ZCWPW1: variants seen among roughly 807,000 people sequenced by gnomAD.
ZCWPW1 encodes the protein zinc finger CW-type and PWWP domain containing 1, also known as zinc finger CW-type PWWP domain protein 1.
In ZCWPW1, 56 loss-of-function variants were observed where a neutral mutation model predicts 81.3. The ratio of observed to expected loss-of-function variants is 0.69; its 90% CI spans 0.56 to 0.86. The LOEUF (loss-of-function observed/expected upper bound fraction) is 0.86. Ranked by LOEUF, ZCWPW1 falls within the 40% of genes least tolerant of loss-of-function variation. The probability of loss-of-function intolerance (pLI) is 0.00; values close to 1 mark genes in which losing one functional copy is unlikely to be tolerated. For synonymous variants in ZCWPW1, 250 were observed against 273.7 expected (o/e 0.91, Z 0.86); for missense variants, 650 against 769.8 (o/e 0.84, Z 1.84).
At chr7:100,402,800 TA>T (rs1792203528) in intron 15 of ZCWPW1, among the ~76,000 whole-genome samples, 1 of 151,832 alleles carries the variant, frequency 6.6e-6, no homozygotes, top group African/African-American at 2.4e-5. Context: ...AAGAAGGAAA[TA>T]AAGCTAGGCC....
At chr7:100,412,250 C>T (rs182968072) in intron 8 of ZCWPW1, among the ~76,000 whole-genome samples, 2 of 152,368 alleles carry the variant, frequency 1.3e-5, no homozygotes, top group Admixed American at 6.5e-5. Context: ...CAGCTGTCTA[C>T]TTACAGCCTC....
chr7:100,416,178 A>T (rs1468810489), intron 7 of ZCWPW1, 81 bp from the exon 8 acceptor site: 1 of 1,599,116 alleles, frequency 6.3e-7, no homozygotes, highest in East Asian at 2.2e-5. Flanking sequence ...GAAAGAAGGA[A>T]GAAGAATCAC....
At chr7:100,404,990 G>A (rs768000707) in intron 13 of ZCWPW1, 23 bp downstream of exon 13, 1 of 1,608,280 alleles carries the variant, frequency 6.2e-7, no homozygotes, top group South Asian at 1.1e-5. Flanking sequence ...AAAGGAATGG[G>A]TGTGGTCTGA....
chr7:100,410,953 G>C (rs1248786320), intron 8 of ZCWPW1, among the ~76,000 whole-genome samples: 1 of 152,046 alleles, frequency 6.6e-6, no homozygotes, highest in South Asian at 2.1e-4. Context: ...TCCCACTGTC[G>C]TTCTTCCCAC....
At chr7:100,404,322 G>A (rs1038481643) in intron 13 of ZCWPW1, 78 bp from the exon 14 acceptor site, 1 of 1,289,706 alleles carries the variant, frequency 7.8e-7, no homozygotes, top group Non-Finnish European at 1.1e-6. Context: ...CTGGAATTTA[G>A]TTATGATGAA....
chr7:100,403,600 G>A (rs1450905891), intron 15 of ZCWPW1, 94 bp downstream of exon 15: 2 of 1,127,792 alleles, frequency 1.8e-6, no homozygotes, highest in East Asian at 2.7e-5. Flanking sequence ...GAGGTGGGAG[G>A]ATTGCCTAAG....
At chr7:100,415,362 T>C (rs1181086601) in intron 8 of ZCWPW1, among the ~76,000 whole-genome samples, 2 of 152,074 alleles carry the variant, frequency 1.3e-5, no homozygotes, top group African/African-American at 4.8e-5. Flanking sequence ...ATTACAAGCA[T>C]GAGCCACCAT....
At chr7:100,403,645 G>T in intron 15 of ZCWPW1, 49 bp downstream of exon 15, 1 of 1,525,498 alleles carries the variant, frequency 6.6e-7, no homozygotes, top group South Asian at 1.2e-5. Context: ...GCAACCTGGT[G>T]AAACTCCATC....
chr7:100,417,589 G>A (rs1353170979), intron 5 of ZCWPW1, among the ~76,000 whole-genome samples: 1 of 151,850 alleles, frequency 6.6e-6, no homozygotes, highest in Non-Finnish European at 1.5e-5. Flanking sequence ...ACGGTGGCAT[G>A]CACCTGTAGT....
intron 9 of ZCWPW1, 29 bp from the exon 10 acceptor site, chr7:100,408,688 C>T: frequency 6.2e-7 from 1 of 1,602,694 alleles, no homozygotes; most frequent in Non-Finnish European, 8.5e-7. Context: ...AATGAAGGGA[C>T]AGGAAGAGAC....
chr7:100,428,091 G>A (rs888652275), intron 1 of ZCWPW1, among the ~76,000 whole-genome samples: 2 of 152,122 alleles, frequency 1.3e-5, no homozygotes, highest in African/African-American at 4.8e-5. Flanking sequence ...TTTCTCCTCA[G>A]GCAACGGGTG....
chr7:100,425,578 CCTAGGGGGCCCT>C (rs751380995), intron 1 of ZCWPW1, among the ~76,000 whole-genome samples: 65 of 152,076 alleles, frequency 4.3e-4, no homozygotes, highest in Non-Finnish European at 4.3e-4. Flanking sequence ...GTCCCAAAAT[CCTAGGGGGCCCT>C]CTCCCTTTTC....
chr7:100,401,461 AGAATATG>A, intron 17 of ZCWPW1, 125 bp from the exon 18 acceptor site: 2 of 918,842 alleles, frequency 2.2e-6, no homozygotes, highest in Admixed American at 3.2e-5. Context: ...CTCAATACAA[AGAATATG>A]GACTTTGGGA....
intron 8 of ZCWPW1, 111 bp from the exon 9 acceptor site, chr7:100,409,655 A>G (rs1023346198): frequency 1.4e-6 from 1 of 739,420 alleles, no homozygotes; most frequent in Admixed American, 2.5e-5. Context: ...AGCCAGAGAG[A>G]CATTAGAGAT....
Position 100,417,455 on chromosome 7 carries a change from C to T in ZCWPW1, c.362-272G>A, listed in dbSNP as rs542395168. On this transcript the variant is annotated intron_variant, in intron 5 of 17. Transcript: ENST00000684423. ...ATTATAGGCCAGGCATGGTGGCTCA[C>T]GCCTGTAATCCTAACACTTTGGGAG... The T allele has an allele frequency of 1.5e-4, 52 of 340,406 alleles. 1 individual carries two copies. Among genetic ancestry groups the T allele is most frequent in the African/African-American group, 9.5e-4 (44 of 46,478 alleles). The allele number at this position is 340,406 out of a possible 1,614,324, so 21.1% of individuals were successfully genotyped here. A position where few individuals can be genotyped will look rare whatever the true frequency, so the allele number is the denominator to read the frequency against.
chr7:100,406,790 G>A lies in ZCWPW1; in HGVS notation c.1077C>T (p.Tyr359=). 1 of 1,613,982 alleles carries A rather than the reference G, an allele frequency of 6.2e-7. No homozygotes were observed. Among genetic ancestry groups the A allele is most frequent in the South Asian group, 1.1e-5 (1 of 91,084 alleles). The change falls in exon 12 of 18, where the codon TAC becomes TAT. Residue 359 remains tyrosine, a synonymous_variant. Coordinates refer to ENST00000684423, the MANE Select transcript of ZCWPW1 (RefSeq NM_001386010.1). ...CTGTTTCTCCAAAAAACGTCACATG[G>A]TACTTAGACTGAAATAAAAGATGAT... The part of the protein sequence containing the change: ...TSHLDSLPSK[Y]HVTFFGETVS...
chr7:100,405,671 A>C (rs1391672717), intron 12 of ZCWPW1, among the ~76,000 whole-genome samples: 1 of 152,118 alleles, frequency 6.6e-6, no homozygotes, highest in African/African-American at 2.4e-5. Flanking sequence ...TCACTCTGTC[A>C]CCCAGGCTGG....
At chr7:100,412,565 T>C (rs1794383793) in intron 8 of ZCWPW1, among the ~76,000 whole-genome samples, 1 of 152,148 alleles carries the variant, frequency 6.6e-6, no homozygotes, top group Non-Finnish European at 1.5e-5. Flanking sequence ...TTGATCATCC[T>C]AATCCATTTT....
intron 10 of ZCWPW1, among the ~76,000 whole-genome samples, chr7:100,408,198 G>A (rs1458931980): frequency 8.6e-5 from 13 of 151,794 alleles, no homozygotes; most frequent in African/African-American, 2.9e-4. Flanking sequence ...TGATCTGCCC[G>A]CCTTGGCCTC....
Sources: allele counts gnomAD v4.1 joint callset (sites outside exome capture counted in the v4.1 genomes callset), GRCh38; gene constraint gnomAD v4.1.1; transcripts MANE v1.5; gene names NCBI Gene and HGNC (gene_info 2026-07-23, HGNC 2026-07-21).